The following MAF variants were observed in gnomAD, a reference collection of about 807,000 sequenced individuals.
The protein encoded by MAF is MAF bZIP transcription factor, also known as transcription factor Maf.
In MAF, 10 loss-of-function variants were observed where a neutral mutation model predicts 22.0. That is an observed-to-expected ratio of 0.45 (90% confidence interval 0.28 to 0.77). The LOEUF is 0.77. MAF is among the 30% of genes least tolerant of loss of function. MAF has a pLI of 0.12. For missense variants in MAF, 544 were observed against 548.4 expected (o/e 0.99, Z 0.08); for synonymous variants, 337 against 255.8 (o/e 1.32, Z -3.03).
the MAF span, among the ~76,000 whole-genome samples, chr16:79,301,510 G>A: frequency 6.6e-6 from 1 of 152,144 alleles, no homozygotes; most frequent in Non-Finnish European, 1.5e-5. Flanking sequence ...TCTTGGATAG[G>A]ACGCAGGGAT....
chr16:79,324,389 G>C, the MAF span, among the ~76,000 whole-genome samples: 1 of 152,146 alleles, frequency 6.6e-6, no homozygotes, highest in Non-Finnish European at 1.5e-5. Flanking sequence ...GGTGAAATCT[G>C]TGTGTACGAA....
At chr16:79,243,874 A>C in the MAF span, among the ~76,000 whole-genome samples, 2 of 152,060 alleles carry the variant, frequency 1.3e-5, no homozygotes, top group Admixed American at 6.6e-5. Flanking sequence ...AACCACGATC[A>C]AGTCAGCTTT....
the MAF span, among the ~76,000 whole-genome samples, chr16:79,396,894 C>T: frequency 6.6e-6 from 1 of 152,194 alleles, no homozygotes; most frequent in African/African-American, 2.4e-5. Context: ...TCCAGAATAT[C>T]AGGTTTTAGG....
the MAF span, among the ~76,000 whole-genome samples, chr16:79,507,594 T>C: frequency 6.6e-6 from 1 of 151,838 alleles, no homozygotes; most frequent in East Asian, 1.9e-4. Context: ...CTGGCTAATT[T>C]TTTTGTATTT....
At chr16:79,451,938 C>T in the MAF span, among the ~76,000 whole-genome samples, 5 of 152,194 alleles carry the variant, frequency 3.3e-5, no homozygotes, top group African/African-American at 1.2e-4. Flanking sequence ...TGCAGAGTCT[C>T]TTAGTGCTTT....
chr16:79,336,215 C>T, the MAF span, among the ~76,000 whole-genome samples: 7 of 152,210 alleles, frequency 4.6e-5, no homozygotes, highest in Admixed American at 2.6e-4. Context: ...AACACTTGCT[C>T]CACTACTTGT....
the MAF span, among the ~76,000 whole-genome samples, chr16:79,475,744 T>A: frequency 6.6e-6 from 1 of 152,004 alleles, no homozygotes; most frequent in Non-Finnish European, 1.5e-5. Context: ...AAGGATTAAG[T>A]GGGGGTGTGG....
chr16:79,310,739 G>C, the MAF span, among the ~76,000 whole-genome samples: 262 of 152,352 alleles, frequency 1.7e-3, 1 homozygote, highest in African/African-American at 6.0e-3. Context: ...GCAGGGTGGA[G>C]TGGTGTTATC....
chr16:79,383,881 T>C, the MAF span, among the ~76,000 whole-genome samples: 33 of 152,198 alleles, frequency 2.2e-4, no homozygotes, highest in African/African-American at 8.0e-4. Context: ...GTTAGATACA[T>C]TTGTCAAGTC....
the MAF span, among the ~76,000 whole-genome samples, chr16:79,416,299 C>G: frequency 1.3e-4 from 20 of 152,130 alleles, no homozygotes; most frequent in African/African-American, 4.6e-4. Context: ...CCCTTTCATT[C>G]ATTTAGCCAT....
the MAF span, among the ~76,000 whole-genome samples, chr16:79,420,722 G>A: frequency 6.6e-6 from 1 of 152,218 alleles, no homozygotes; most frequent in African/African-American, 2.4e-5. Context: ...ACAAATAAGT[G>A]ACTGCAGTAC....
the MAF span, among the ~76,000 whole-genome samples, chr16:79,468,149 G>A: frequency 2.9e-4 from 44 of 152,152 alleles, no homozygotes; most frequent in Admixed American, 1.0e-3. Context: ...TTTATTCTCC[G>A]CCATTTTCTC....
chr16:79,445,808 A>G, the MAF span, among the ~76,000 whole-genome samples: 1 of 152,208 alleles, frequency 6.6e-6, no homozygotes, highest in African/African-American at 2.4e-5. Flanking sequence ...AATTGCTCCT[A>G]AATGTTTTGA....
the MAF span, among the ~76,000 whole-genome samples, chr16:79,378,737 T>C: frequency 2.6e-4 from 39 of 152,212 alleles, no homozygotes; most frequent in African/African-American, 8.9e-4. Flanking sequence ...TCCTGCATAA[T>C]AGTAAATCAA....
At chr16:79,510,712 G>A in the MAF span, among the ~76,000 whole-genome samples, 257 of 152,302 alleles carry the variant, frequency 1.7e-3, 2 homozygotes, top group East Asian at 0.034. Context: ...CATACACATC[G>A]AATGCTCTGC....
At chr16:79,389,674 T>C in the MAF span, among the ~76,000 whole-genome samples, 1 of 152,162 alleles carries the variant, frequency 6.6e-6, no homozygotes, top group Non-Finnish European at 1.5e-5. Flanking sequence ...CTGTCATGTT[T>C]GCCATCAAAT....
chr16:79,529,783 A>G, the MAF span, among the ~76,000 whole-genome samples: 1 of 152,142 alleles, frequency 6.6e-6, no homozygotes, highest in Non-Finnish European at 1.5e-5. Context: ...CAATGTGGTG[A>G]AACCCCATCT....
chr16:79,524,546 A>G, the MAF span, among the ~76,000 whole-genome samples: 1 of 152,216 alleles, frequency 6.6e-6, no homozygotes, highest in African/African-American at 2.4e-5. Flanking sequence ...CAGCAGAACA[A>G]GAGTGTTTTA....
At chr16:79,515,506 C>T in the MAF span, among the ~76,000 whole-genome samples, 127,304 of 152,208 alleles carry the variant, frequency 0.84, 53,519 homozygotes, top group East Asian at 0.92. Flanking sequence ...TGTAGGCTAA[C>T]GTAAGTGTTC....
Sources: gnomAD v4.1 joint callset for allele counts (sites outside exome capture counted in the v4.1 genomes callset) on GRCh38, gnomAD v4.1.1 for gene constraint, MANE v1.5 for transcripts, NCBI Gene and HGNC (gene_info 2026-07-23, HGNC 2026-07-21) for gene names.